Variants in NEDD4L observed in about 807,000 individuals in gnomAD.
NEDD4L encodes the protein E3 ubiquitin-protein ligase NEDD4-like.
In NEDD4L, 54 loss-of-function variants were observed where a neutral mutation model predicts 148.9. That is an observed-to-expected ratio of 0.36 (90% confidence interval 0.29 to 0.45). The LOEUF is 0.45. Among genes scored for constraint, NEDD4L ranks in the 20% least tolerant of loss-of-function variants. The probability of loss-of-function intolerance (pLI) is 1.00; values close to 1 mark genes in which losing one functional copy is unlikely to be tolerated. For synonymous variants in NEDD4L, 433 were observed against 440.7 expected (o/e 0.98, Z 0.22); for missense variants, 856 against 1,233.8 (o/e 0.69, Z 4.59).
intron 1 of NEDD4L, among the ~76,000 whole-genome samples, chr18:58,055,630 G>T (rs144003356): frequency 1.6e-3 from 247 of 152,318 alleles, no homozygotes; most frequent in African/African-American, 5.7e-3. Flanking sequence ...CATATTAGGA[G>T]CTCACCACTA....
intron 2 of NEDD4L, among the ~76,000 whole-genome samples, chr18:58,191,685 C>T (rs1199647073): frequency 6.6e-6 from 1 of 152,168 alleles, no homozygotes; most frequent in African/African-American, 2.4e-5. Flanking sequence ...CAGTGTGTAG[C>T]CAAAGTTCTA....
chr18:58,264,956 A>G (rs2050007114), intron 5 of NEDD4L, among the ~76,000 whole-genome samples: 1 of 152,074 alleles, frequency 6.6e-6, no homozygotes, highest in Non-Finnish European at 1.5e-5. Flanking sequence ...AGCTTGGTTT[A>G]TAGAGCTTTC....
rs556251023 is a variant in NEDD4L at position 58,117,507 on chromosome 18, C to T, written c.49-48281C>T. On this transcript the variant is annotated intron_variant, in intron 1 of 30. Coordinates refer to ENST00000400345, the MANE Select transcript of NEDD4L (RefSeq NM_001144967.3). ...AGGTAAAATTATAAGCTAATGAGAC[C>T]AGAGGTCTGTATGTATGAAAACCAT... Among the ~76,000 whole-genome samples the T allele has an allele frequency of 5.3e-4, 80 of 152,204 alleles. No individual in the cohort carries two copies. The South Asian group carries it at 9.6e-3, about 18-fold the overall frequency.
intron 1 of NEDD4L, among the ~76,000 whole-genome samples, chr18:58,085,297 G>A (rs191632404): frequency 1.2e-4 from 18 of 152,162 alleles, no homozygotes; most frequent in Admixed American, 9.2e-4. Flanking sequence ...CAGCAGGTGT[G>A]CACAGAGGTA....
chr18:58,186,425 T>G (rs1488113029), intron 2 of NEDD4L, among the ~76,000 whole-genome samples: 1 of 152,216 alleles, frequency 6.6e-6, no homozygotes, highest in African/African-American at 2.4e-5. Flanking sequence ...TAAATTGGCC[T>G]CTAGCCCATC....
rs529389880 is a variant in NEDD4L at position 58,340,041 on chromosome 18, TC to T, written c.1126-993del. Among the ~76,000 whole-genome samples, 8 of 152,320 alleles carry T rather than the reference TC, an allele frequency of 5.3e-5. No homozygotes were observed. The South Asian group carries it at 1.7e-3, about 32-fold the overall frequency. ...ATGGGCTCCTCCTATACCTTTAGATTCCCCTAGGAGCCGTGGTATAGCTGTG... is the reference window on the plus strand; with the variant it reads ...ATGGGCTCCTCCTATACCTTTAGATTCCCTAGGAGCCGTGGTATAGCTGTG... On this transcript the variant is annotated intron_variant, in intron 13 of 30. Coordinates refer to ENST00000400345, the MANE Select transcript of NEDD4L (RefSeq NM_001144967.3).
intron 16 of NEDD4L, among the ~76,000 whole-genome samples, chr18:58,345,248 G>A (rs2042905457): frequency 6.6e-6 from 1 of 152,218 alleles, no homozygotes; most frequent in Non-Finnish European, 1.5e-5. Flanking sequence ...TGCTGACACA[G>A]CTGCGCTATC....
chr18:58,297,820 C>A (rs188872958), intron 5 of NEDD4L, among the ~76,000 whole-genome samples: 1 of 152,260 alleles, frequency 6.6e-6, no homozygotes, highest in East Asian at 1.9e-4. Context: ...GAACATTTGA[C>A]CAGAGAGAGA....
chr18:58,322,119 G>A (rs1375424251), intron 6 of NEDD4L, among the ~76,000 whole-genome samples: 6 of 152,200 alleles, frequency 3.9e-5, no homozygotes, highest in Admixed American at 3.3e-4. Context: ...CTGGTTCTCC[G>A]AAGTGAATCA....
intron 1 of NEDD4L, among the ~76,000 whole-genome samples, chr18:58,135,140 A>AT (rs1227901840): frequency 6.6e-6 from 1 of 151,718 alleles, no homozygotes; most frequent in African/African-American, 2.4e-5. Flanking sequence ...TATTTGGCTG[A>AT]TACTAGCCTC....
chr18:58,330,054 A>G (rs753639902), intron 10 of NEDD4L, among the ~76,000 whole-genome samples: 17 of 152,188 alleles, frequency 1.1e-4, no homozygotes, highest in Non-Finnish European at 2.2e-4. Flanking sequence ...TAGTTATGGT[A>G]TGTTACTTAA....
At chr18:58,355,642 C>T (rs2044511998) in intron 18 of NEDD4L, among the ~76,000 whole-genome samples, 1 of 152,176 alleles carries the variant, frequency 6.6e-6, no homozygotes, top group Admixed American at 6.5e-5. Context: ...TTTTCCATCA[C>T]AATAGCAACT....
intron 1 of NEDD4L, among the ~76,000 whole-genome samples, chr18:58,071,874 C>A (rs1568174063): frequency 1.3e-5 from 2 of 152,148 alleles, no homozygotes; most frequent in Admixed American, 1.3e-4. Flanking sequence ...TTATTCAGTA[C>A]CATGAGAACA....
At chr18:58,299,524 A>G (rs1161990505) in intron 5 of NEDD4L, among the ~76,000 whole-genome samples, 1 of 152,206 alleles carries the variant, frequency 6.6e-6, no homozygotes, top group Non-Finnish European at 1.5e-5. Flanking sequence ...TACTAAATGT[A>G]TTTTAGTTTC....
intron 5 of NEDD4L, among the ~76,000 whole-genome samples, chr18:58,267,408 G>A (rs1236266316): frequency 6.6e-6 from 1 of 151,990 alleles, no homozygotes; most frequent in Non-Finnish European, 1.5e-5. Flanking sequence ...AGTTCCCAAG[G>A]AACTTTGTTT....
chr18:58,297,977 C>T (rs1294598190), intron 5 of NEDD4L, among the ~76,000 whole-genome samples: 1 of 152,022 alleles, frequency 6.6e-6, no homozygotes, highest in Non-Finnish European at 1.5e-5. Flanking sequence ...TTTTTCTATT[C>T]TTCAGTGGCT....
At chr18:58,207,350 G>A (rs970032043) in intron 2 of NEDD4L, among the ~76,000 whole-genome samples, 2 of 151,236 alleles carry the variant, frequency 1.3e-5, no homozygotes, top group East Asian at 3.9e-4. Flanking sequence ...TGGAAACAGC[G>A]CTTGTTTATA....
chr18:58,168,799 A>C (rs1334321631), intron 2 of NEDD4L, among the ~76,000 whole-genome samples: 1 of 152,170 alleles, frequency 6.6e-6, no homozygotes, highest in African/African-American at 2.4e-5. Flanking sequence ...AAGTGGTAGA[A>C]ATCCTGTAGA....
rs77703065 is a variant in NEDD4L, at chr18:58,385,433, G to A, written c.2427-93G>A. On this transcript the variant is annotated intron_variant, in intron 25 of 30. Transcript: ENST00000400345. ...AGACCCTCCCCTCTGCTCTGCTGTC[G>A]TGGATGGAGGAGAAGCACTCCCTGT... is the stretch of plus-strand genomic sequence containing the variant. 1.8e-3 allele frequency: 1,782 copies of A among 991,144 alleles called. 7 individuals are homozygous for A. Among genetic ancestry groups the A allele is most frequent in the Non-Finnish European group, 1.7e-3 (1,060 of 611,752 alleles). The allele number at this position is 991,144 out of a possible 1,614,324, so 61.4% of individuals were successfully genotyped here. A position where few individuals can be genotyped will look rare whatever the true frequency, so the allele number is the denominator to read the frequency against.
Sources: allele counts gnomAD v4.1 joint callset (sites outside exome capture counted in the v4.1 genomes callset), GRCh38; gene constraint gnomAD v4.1.1; transcripts MANE v1.5; gene names NCBI Gene and HGNC (gene_info 2026-07-23, HGNC 2026-07-21).